Variants in ENAM observed in about 807,000 individuals in gnomAD.
The protein encoded by ENAM is enamelin.
ENAM carries 21 observed loss-of-function variants against 33.6 expected under a neutral mutation model. That is an observed-to-expected ratio of 0.63 (90% CI 0.44 to 0.90). ENAM has a LOEUF of 0.90. ENAM is among the 40% of genes least tolerant of loss of function. The pLI, the probability that ENAM is intolerant of heterozygous loss-of-function variation, is 0.00. For synonymous variants in ENAM, 473 were observed against 468.4 expected (o/e 1.01, Z -0.13); for missense variants, 1,388 against 1,366.9 (o/e 1.02, Z -0.24).
At chr4:70,630,242 A>G (rs1458484647) in intron 2 of ENAM, among the ~76,000 whole-genome samples, 2 of 152,220 alleles carry the variant, frequency 1.3e-5, no homozygotes, top group African/African-American at 4.8e-5. Flanking sequence ...GAAAATGTCC[A>G]TTATAAAAAT....
rs539648533 is a variant in ENAM, at chr4:70,630,560, TA to T, written c.54+1008del. On this transcript the variant is annotated intron_variant, in intron 2 of 8. Transcript: ENST00000396073. ...TGTTCCAAGATGTAAATACGAGACT[TA>T]ATTTTACAAGTCTTTCATAATTAAC... Among the ~76,000 whole-genome samples the T allele has an allele frequency of 1.3e-3, 199 of 152,346 alleles. 1 individual carries two copies. Among genetic ancestry groups the T allele is most frequent in the African/African-American group, 4.6e-3 (190 of 41,582 alleles).
chr4:70,644,344 C>A lies in ENAM; in HGVS notation c.2918C>A (p.Pro973His). Residue 973 changes from proline to histidine, a missense_variant, in exon 9 of 9, where the codon CCT becomes CAT. By Grantham distance (77) the Pro-to-His change is moderately conservative (BLOSUM62 -2). Coordinates refer to ENST00000396073, the MANE Select transcript of ENAM (RefSeq NM_031889.3). ...GGCCAAAAGGAAATTATGCCCTTTC[C>A]TGAAGCCAGTTCCCTTCAATCAAAG... ...QLGQKEIMPFPEASSLQSKNT... is the reference protein window; with the variant it reads ...QLGQKEIMPFHEASSLQSKNT... 1.2e-6 allele frequency: 2 copies of A among 1,614,210 alleles called. No individual in the cohort carries two copies. Among genetic ancestry groups the A allele is most frequent in the Non-Finnish European group, 1.7e-6 (2 of 1,180,036 alleles).
In ENAM at chr4:70,643,994, C is replaced by T. The variant is rs768406200; in HGVS notation, c.2568C>T (p.Tyr856=). ...TCCCTAACTTCATCCCACCAAGTTA[C>T]CCATCAGGTCAAAAAGAAGCACATT... is the stretch of plus-strand genomic sequence containing the variant. ...SSFPNFIPPS[Y]PSGQKEAHLF... Residue 856 remains tyrosine, a synonymous_variant, in exon 9 of 9, where the codon TAC becomes TAT. Transcript: ENST00000396073. 1.2e-6 allele frequency: 2 copies of T among 1,614,158 alleles called. No homozygotes were observed. Among genetic ancestry groups the T allele is most frequent in the Non-Finnish European group, 1.7e-6 (2 of 1,180,006 alleles).
chr4:70,632,844 CT>C (rs987565994), intron 5 of ENAM, 152 bp downstream of exon 5: 28 of 686,642 alleles, frequency 4.1e-5, no homozygotes, highest in South Asian at 5.3e-5. Context: ...ATTATTGCCC[CT>C]ATCCTCTCAC....
intron 7 of ENAM, among the ~76,000 whole-genome samples, chr4:70,636,535 G>A (rs1460890928): frequency 6.6e-6 from 1 of 152,040 alleles, no homozygotes; most frequent in Non-Finnish European, 1.5e-5. Context: ...TTGGGAAGCC[G>A]AGGCAGGCGG....
chr4:70,634,605 G>C (rs903768178), intron 6 of ENAM, 37 bp downstream of exon 6: 3 of 1,609,586 alleles, frequency 1.9e-6, no homozygotes, highest in Non-Finnish European at 2.6e-6. Flanking sequence ...ATCTGTAAAT[G>C]GCCTCGGAGA....
In ENAM at chr4:70,644,306, A is replaced by G; in HGVS notation, c.2880A>G (p.Ile960Met). 1 of 1,614,238 alleles carries G rather than the reference A, an allele frequency of 6.2e-7. No homozygotes were observed. The highest frequency in any genetic ancestry group is 8.5e-7 in the Non-Finnish European group (1 of 1,180,028). ...STLRRNTPCS[I>M]KNQLGQKEIM... ...TGAGGAGGAACACACCATGTTCTAT[A>G]AAGAATCAACTGGGCCAAAAGGAAA... Residue 960 changes from isoleucine (I) to methionine (M), a missense_variant, in exon 9 of 9, where the codon ATA becomes ATG. Physicochemically the swap from Ile to Met is conservative, Grantham distance 10. Coordinates refer to ENST00000396073, the MANE Select transcript of ENAM (RefSeq NM_031889.3).
chr4:70,631,021 G>A (rs748987525), intron 2 of ENAM, among the ~76,000 whole-genome samples: 3 of 152,106 alleles, frequency 2.0e-5, no homozygotes, highest in Non-Finnish European at 4.4e-5. Context: ...GGATTAAGGC[G>A]TGAGCCACCG....
chr4:70,639,054 C>T (rs1560402685), intron 8 of ENAM, among the ~76,000 whole-genome samples: 4 of 152,062 alleles, frequency 2.6e-5, no homozygotes. Context: ...ACCTCAGCCT[C>T]CCAAAGTGCT....
rs761444722 is a variant in ENAM at position 70,642,298 on chromosome 4, C to T, written c.872C>T (p.Pro291Leu). The T allele has an allele frequency of 1.9e-6, 3 of 1,614,020 alleles. No homozygotes were observed. The African/African-American group carries it at 4.0e-5, about 22-fold the overall frequency. The change falls in exon 9 of 9, where the codon CCA becomes CTA. Residue 291 changes from proline (P) to leucine (L), a missense_variant. Coordinates refer to ENST00000396073, the MANE Select transcript of ENAM (RefSeq NM_031889.3). Reference sequence around the variant, plus strand: ...CCTCCAGCTCAAAATGGGATTGGCCCACTCCCTGCAGTCAACGCTTCAGGC... The same window carrying T: ...CCTCCAGCTCAAAATGGGATTGGCCTACTCCCTGCAGTCAACGCTTCAGGC... The part of the protein sequence containing the change: ...NNPPAQNGIG[P>L]LPAVNASGQG...
At position 70,629,466 on chromosome 4, in the gene ENAM, T is replaced by G; in HGVS notation, c.-35T>G. The stretch of plus-strand genomic sequence containing the variant: ...TTTCTTCTCAGGTTAAAGCTGTATT[T>G]TTCTTAAAGGCTTATAAAAATTTTG... On this transcript the variant is annotated 5_prime_UTR_variant, in exon 2 of 9. Transcript: ENST00000396073. 1 of 1,562,884 alleles carries G rather than the reference T, an allele frequency of 6.4e-7. No individual in the cohort carries two copies. The highest frequency in any genetic ancestry group is 8.8e-7 in the Non-Finnish European group (1 of 1,133,272).
At chr4:70,629,264 G>C (rs1339624931) in intron 1 of ENAM, among the ~76,000 whole-genome samples, 177 bp from the exon 2 acceptor site, 1 of 152,042 alleles carries the variant, frequency 6.6e-6, no homozygotes, top group Non-Finnish European at 1.5e-5. Flanking sequence ...CAGTGCCTGT[G>C]TCATTTCCTC....
At chr4:70,637,324 G>C (rs1738476084) in intron 7 of ENAM, among the ~76,000 whole-genome samples, 1 of 152,270 alleles carries the variant, frequency 6.6e-6, no homozygotes, top group Admixed American at 6.5e-5. Flanking sequence ...TTTGGAGTTT[G>C]TCCCCCTAAA....
At chr4:70,641,758 A>G (rs910228548) in intron 8 of ENAM, among the ~76,000 whole-genome samples, 2 of 152,174 alleles carry the variant, frequency 1.3e-5, no homozygotes, top group Non-Finnish European at 2.9e-5. Flanking sequence ...ACAGAAAAAC[A>G]AACAAAAACC....
At chr4:70,634,236 T>G in intron 5 of ENAM, 72 bp from the exon 6 acceptor site, 8 of 1,482,702 alleles carry the variant, frequency 5.4e-6, no homozygotes, top group Non-Finnish European at 7.5e-6. Flanking sequence ...TTTTAGAGGC[T>G]GACATTAGAG....
At position 70,644,202 on chromosome 4, in the gene ENAM, A is replaced by G. The variant is rs766742556; in HGVS notation, c.2776A>G (p.Thr926Ala). The G allele has an allele frequency of 2.5e-6, 4 of 1,614,012 alleles. No individual in the cohort carries two copies. Among genetic ancestry groups the G allele is most frequent in the Non-Finnish European group, 3.4e-6 (4 of 1,180,012 alleles). Residue 926 changes from threonine to alanine, a missense_variant, in exon 9 of 9, where the codon ACA becomes GCA. By Grantham distance (58) the Thr-to-Ala change is moderately conservative. Coordinates refer to ENST00000396073, the MANE Select transcript of ENAM (RefSeq NM_031889.3). The part of the protein sequence containing the change: ...TKQTRDIISP[T>A]SILPGQRNSS... The stretch of plus-strand genomic sequence containing the variant: ...GCAGACAAGAGATATCATCTCCCCA[A>G]CAAGCATCCTACCAGGCCAAAGAAA...
rs776515910 is a variant in ENAM at position 70,634,324 on chromosome 4, CCTT to C, written c.231_233del (p.Phe78del). ...CCCTTTCAGATGGCACACCTGGGGCCCTTCTTTGGAAACGGTCTCCCTCAGCAA... is the reference window on the plus strand; with the variant it reads ...CCCTTTCAGATGGCACACCTGGGGCCCTTTGGAAACGGTCTCCCTCAGCAA... On this transcript the variant is annotated inframe_deletion, in exon 6 of 9. Coordinates refer to ENST00000396073, the MANE Select transcript of ENAM (RefSeq NM_031889.3). The C allele has an allele frequency of 6.2e-7, 1 of 1,614,040 alleles. No individual in the cohort carries two copies. The highest frequency in any genetic ancestry group is 8.5e-7 in the Non-Finnish European group (1 of 1,179,950).
chr4:70,639,965 G>T (rs982753825), intron 8 of ENAM, among the ~76,000 whole-genome samples: 1 of 152,154 alleles, frequency 6.6e-6, no homozygotes, highest in Non-Finnish European at 1.5e-5. Context: ...ATATTTCCTT[G>T]CCTGTCTTTC....
In ENAM at chr4:70,645,226, C is replaced by A; in HGVS notation, c.*371C>A. The A allele has an allele frequency of 3.4e-6, 1 of 296,126 alleles. No individual in the cohort carries two copies. The highest frequency in any genetic ancestry group is 2.2e-5 in the African/African-American group (1 of 45,142). The allele number at this position is 296,126 out of a possible 1,614,324, so 18.3% of individuals were successfully genotyped here. A position where few individuals can be genotyped will look rare whatever the true frequency, so the allele number is the denominator to read the frequency against. On this transcript the variant is annotated 3_prime_UTR_variant, in exon 9 of 9. Transcript: ENST00000396073. ...CAAGACTGAAAGGCAGATTAACTTT[C>A]CATTCTACTTATGGAGATCCACACA...
Sources: allele counts gnomAD v4.1 joint callset (sites outside exome capture counted in the v4.1 genomes callset), GRCh38; gene constraint gnomAD v4.1.1; transcripts MANE v1.5; gene names NCBI Gene and HGNC (gene_info 2026-07-23, HGNC 2026-07-21).